NUP214: variants seen among roughly 807,000 people sequenced by gnomAD.
The protein encoded by NUP214 is nuclear pore complex protein Nup214.
A neutral mutation model predicts 196.2 loss-of-function variants in NUP214; 79 were observed. The observed-to-expected ratio is 0.40, with a 90% confidence interval of 0.34 to 0.49. NUP214 has a LOEUF of 0.49. NUP214 is among the 20% of genes least tolerant of loss of function. The pLI is 0.58. For missense variants in NUP214, 2,468 were observed against 2,539.0 expected, an observed-to-expected ratio of 0.97 and a Z score of 0.60; for synonymous variants, 1,020 against 990.5, an observed-to-expected ratio of 1.03 and a Z score of -0.56.
Position 131,198,818 on chromosome 9 carries a change from C to T in NUP214, c.5324C>T (p.Ala1775Val). The T allele has an allele frequency of 6.2e-7, 1 of 1,614,208 alleles. No individual in the cohort carries two copies. The highest frequency in any genetic ancestry group is 1.1e-5 in the South Asian group (1 of 91,082). ...ACCAGTGGAAGTGTCTTTGGTGCCG[C>T]CTCAAGTACCAGTAGCTCCAGTTCC... is the stretch of plus-strand genomic sequence containing the variant. ...TSTSGSVFGAASSTSSSSSFS... is the reference protein window; with the variant it reads ...TSTSGSVFGAVSSTSSSSSFS... Residue 1775 changes from alanine to valine, a missense_variant, in exon 29 of 36, where the codon GCC becomes GTC. Physicochemically the swap from Ala to Val is moderately conservative, Grantham distance 64. Coordinates refer to ENST00000359428, the MANE Select transcript of NUP214 (RefSeq NM_005085.4).
chr9:131,231,495 G>A (rs948936199), intron 34 of NUP214, among the ~76,000 whole-genome samples: 14 of 151,316 alleles, frequency 9.3e-5, no homozygotes, highest in Non-Finnish European at 1.5e-5. Flanking sequence ...TTTTTTTTAG[G>A]TTTTAGTTAG....
chr9:131,219,951 C>T (rs548505173), intron 31 of NUP214, among the ~76,000 whole-genome samples: 10 of 152,268 alleles, frequency 6.6e-5, no homozygotes, highest in African/African-American at 9.6e-5. Flanking sequence ...TACTCTGTAT[C>T]GGATTTAATT....
Position 131,164,072 on chromosome 9 carries a change from C to T in NUP214, c.2821C>T (p.Pro941Ser). Residue 941 changes from proline (P) to serine (S), a missense_variant, in exon 21 of 36, where the codon CCC becomes TCC. Transcript: ENST00000359428. Reference protein sequence around the residue: ...SLPKVPAKLSPMKQAQLRNFL... With the variant: ...SLPKVPAKLSSMKQAQLRNFL... ...TGGATTTCTTGCAGCCAAACTGTCC[C>T]CCATGAAACAGGCACAACTGAGAAA... 1 of 1,614,096 alleles carries T rather than the reference C, an allele frequency of 6.2e-7. No individual in the cohort carries two copies. Among genetic ancestry groups the T allele is most frequent in the Non-Finnish European group, 8.5e-7 (1 of 1,180,018 alleles).
chr9:131,161,021 A>G (rs1832615756), intron 18 of NUP214, among the ~76,000 whole-genome samples: 2 of 152,358 alleles, frequency 1.3e-5, no homozygotes, highest in South Asian at 2.1e-4. Context: ...TGCTCTGCTC[A>G]ATGGTTGTAT....
intron 17 of NUP214, among the ~76,000 whole-genome samples, chr9:131,156,948 A>G (rs1256594359): frequency 2.6e-5 from 4 of 152,162 alleles, no homozygotes; most frequent in Admixed American, 6.5e-5. Flanking sequence ...AGACATACTT[A>G]ATTGAATGCC....
intron 23 of NUP214, 61 bp from the exon 24 acceptor site, chr9:131,178,250 C>G (rs1412359695): frequency 1.5e-6 from 2 of 1,353,040 alleles, no homozygotes; most frequent in Non-Finnish European, 2.1e-6. Flanking sequence ...TTATATGTGG[C>G]TAGAACTTTT....
intron 11 of NUP214, among the ~76,000 whole-genome samples, chr9:131,142,184 T>A (rs1247082521): frequency 6.6e-6 from 1 of 152,210 alleles, no homozygotes; most frequent in African/African-American, 2.4e-5. Context: ...GAACTACCTA[T>A]ACCCAGCTGC....
At chr9:131,175,752 C>T (rs2131002778) in intron 23 of NUP214, 131 bp downstream of exon 23, 1 of 1,300,100 alleles carries the variant, frequency 7.7e-7, no homozygotes, top group Non-Finnish European at 1.0e-6. Context: ...GATGTGACAG[C>T]CCTCTCCCCT....
intron 22 of NUP214, 103 bp from the exon 23 acceptor site, chr9:131,175,357 T>A: frequency 1.5e-6 from 2 of 1,325,924 alleles, no homozygotes; most frequent in South Asian, 2.8e-5. Context: ...AACGCTAATT[T>A]TAGCATTTTC....
chr9:131,172,142 A>G (rs866938328), intron 21 of NUP214, among the ~76,000 whole-genome samples: 1 of 150,570 alleles, frequency 6.6e-6, no homozygotes, highest in South Asian at 2.1e-4. Context: ...GACTTCCACA[A>G]TGGTTGAACT....
chr9:131,147,461 C>T (rs753539610), intron 13 of NUP214, 29 bp from the exon 14 acceptor site: 7 of 1,487,614 alleles, frequency 4.7e-6, no homozygotes, highest in Non-Finnish European at 6.5e-6. Flanking sequence ...TAAATGCCAT[C>T]TATTTTAACT....
chr9:131,188,069 C>T (rs1588154228), intron 25 of NUP214, among the ~76,000 whole-genome samples: 4 of 152,190 alleles, frequency 2.6e-5, no homozygotes, highest in South Asian at 2.1e-4. Context: ...GAGTGACCAA[C>T]GCAAACTCTC....
At chr9:131,173,934 A>G (rs895266167) in intron 21 of NUP214, 121 bp from the exon 22 acceptor site, 6 of 1,285,878 alleles carry the variant, frequency 4.7e-6, no homozygotes, top group Non-Finnish European at 6.4e-6. Flanking sequence ...CACTTAAAAT[A>G]AGTAATAATT....
chr9:131,196,903 T>C (rs1313101351), intron 28 of NUP214, among the ~76,000 whole-genome samples: 2 of 152,254 alleles, frequency 1.3e-5, no homozygotes, highest in South Asian at 2.1e-4. Flanking sequence ...CTAGGGTAAA[T>C]TAAGGGAAGA....
chr9:131,197,773 T>C lies in NUP214; in HGVS notation c.4279T>C (p.Phe1427Leu). ...TSAGSSGVIS[F>L]GGTSLSAGKT... The stretch of plus-strand genomic sequence containing the variant: ...TGCAGGATCCTCTGGGGTCATCAGT[T>C]TTGGTGGGACATCTCTAAGTGCTGG... Residue 1427 changes from phenylalanine to leucine, a missense_variant, in exon 29 of 36, where the codon TTT becomes CTT. Phe to Leu is a conservative substitution (Grantham distance 22, BLOSUM62 0). Coordinates refer to ENST00000359428, the MANE Select transcript of NUP214 (RefSeq NM_005085.4). 1 of 1,614,176 alleles carries C rather than the reference T, an allele frequency of 6.2e-7. No homozygotes were observed. Among genetic ancestry groups the C allele is most frequent in the Non-Finnish European group, 8.5e-7 (1 of 1,180,036 alleles).
Position 131,192,302 on chromosome 9 carries a change from G to T in NUP214, c.3659+10G>T. The T allele has an allele frequency of 6.7e-7, 1 of 1,493,018 alleles. No individual in the cohort carries two copies. Among genetic ancestry groups the T allele is most frequent in the Non-Finnish European group, 9.1e-7 (1 of 1,102,736 alleles). 92.5% of individuals were successfully genotyped at this position (1,493,018 alleles called of 1,614,324 possible). A position where few individuals can be genotyped will look rare whatever the true frequency, so the allele number is the denominator to read the frequency against. ...CATTTTCTCCATCAGGGTCAGTAAT[G>T]AACTTAAGTTTTATGGCAAATTACT... On this transcript the variant is annotated intron_variant, in intron 27 of 35. Coordinates refer to ENST00000359428, the MANE Select transcript of NUP214 (RefSeq NM_005085.4).
intron 8 of NUP214, 145 bp from the exon 9 acceptor site, chr9:131,135,795 T>C (rs1831708190): frequency 3.3e-6 from 2 of 598,390 alleles, no homozygotes; most frequent in Admixed American, 6.2e-5. Flanking sequence ...ATCTAGAATC[T>C]TCCCACCTTT....
intron 11 of NUP214, 83 bp from the exon 12 acceptor site, chr9:131,144,197 A>G: frequency 9.0e-7 from 1 of 1,110,280 alleles, no homozygotes; most frequent in Non-Finnish European, 1.3e-6. Flanking sequence ...ATTCTACCAC[A>G]AATTCTTTTT....
chr9:131,170,150 G>T (rs748869936), intron 21 of NUP214, among the ~76,000 whole-genome samples: 2 of 151,960 alleles, frequency 1.3e-5, no homozygotes, highest in Non-Finnish European at 1.5e-5. Flanking sequence ...TGTGACTATG[G>T]TGCATTTTAT....
Sources: allele counts gnomAD v4.1 joint callset (sites outside exome capture counted in the v4.1 genomes callset), GRCh38; gene constraint gnomAD v4.1.1; transcripts MANE v1.5; gene names NCBI Gene and HGNC (gene_info 2026-07-23, HGNC 2026-07-21).